Variants in MYO5A observed in about 807,000 individuals in gnomAD.
The protein encoded by MYO5A is myosin VA, also known as unconventional myosin-Va.
In MYO5A, 98 loss-of-function variants were observed where a neutral mutation model predicts 249.7. The ratio of observed to expected loss-of-function variants is 0.39; its 90% CI spans 0.33 to 0.46. The LOEUF is 0.46. Ranked by LOEUF, MYO5A falls within the 20% of genes least tolerant of loss-of-function variation. The probability of loss-of-function intolerance (pLI) is 0.98; values close to 1 mark genes in which losing one functional copy is unlikely to be tolerated. For synonymous variants in MYO5A, 778 were observed against 810.6 expected, an observed-to-expected ratio of 0.96 and a Z score of 0.68; for missense variants, 1,696 against 2,308.8, an observed-to-expected ratio of 0.73 and a Z score of 5.44.
chr15:52,380,041 C>T (rs893045404), intron 16 of MYO5A, 133 bp from the exon 17 acceptor site: 4 of 868,560 alleles, frequency 4.6e-6, no homozygotes, highest in African/African-American at 1.7e-5. Context: ...TTTCAGAAGT[C>T]GGAGCAGTGA....
intron 1 of MYO5A, among the ~76,000 whole-genome samples, chr15:52,483,580 A>T (rs1019662716): frequency 2.6e-5 from 4 of 152,142 alleles, no homozygotes; most frequent in Non-Finnish European, 5.9e-5. Context: ...AGAAATTTCT[A>T]AAAAACCCAT....
At chr15:52,449,400 C>T (rs1387097281) in intron 1 of MYO5A, among the ~76,000 whole-genome samples, 2 of 152,230 alleles carry the variant, frequency 1.3e-5, no homozygotes, top group South Asian at 4.1e-4. Flanking sequence ...ACCCTCTTAA[C>T]AACTGCAAAC....
At chr15:52,334,451 A>T (rs1190097323) in intron 34 of MYO5A, among the ~76,000 whole-genome samples, 1 of 152,188 alleles carries the variant, frequency 6.6e-6, no homozygotes, top group Non-Finnish European at 1.5e-5. Flanking sequence ...ATTATAGCTC[A>T]TGTGTGTGTG....
chr15:52,353,429 T>C (rs757837233), intron 27 of MYO5A, among the ~76,000 whole-genome samples, 176 bp downstream of exon 27: 7 of 152,218 alleles, frequency 4.6e-5, no homozygotes, highest in Non-Finnish European at 8.8e-5. Flanking sequence ...CTAGCTTATA[T>C]GAAATGGAAT....
intron 11 of MYO5A, among the ~76,000 whole-genome samples, chr15:52,395,843 C>A (rs2042465406): frequency 6.6e-6 from 1 of 152,198 alleles, no homozygotes; most frequent in Admixed American, 6.5e-5. Context: ...TACTACTTCA[C>A]AAGAGCCACT....
At chr15:52,426,318 T>A (rs1337342514) in intron 3 of MYO5A, among the ~76,000 whole-genome samples, 1 of 43,068 alleles carries the variant, frequency 2.3e-5, no homozygotes, top group Non-Finnish European at 3.8e-5. Flanking sequence ...ATGCAAAGAG[T>A]TTTTTTTTTT....
chr15:52,520,623 T>C (rs1440614860), intron 1 of MYO5A, among the ~76,000 whole-genome samples: 1 of 152,186 alleles, frequency 6.6e-6, no homozygotes, highest in Non-Finnish European at 1.5e-5. Flanking sequence ...CTCTTTGGCT[T>C]TGAGTTTGGG....
intron 1 of MYO5A, among the ~76,000 whole-genome samples, chr15:52,475,164 T>C (rs1367103580): frequency 6.6e-6 from 1 of 152,256 alleles, no homozygotes; most frequent in Non-Finnish European, 1.5e-5. Context: ...GATTTTCTAG[T>C]TTACTTGTGT....
chr15:52,407,648 T>C (rs1470934864), intron 7 of MYO5A, among the ~76,000 whole-genome samples: 1 of 151,966 alleles, frequency 6.6e-6, no homozygotes, highest in African/African-American at 2.4e-5. Context: ...TTCCTAAAGG[T>C]TTTATTCCAA....
At chr15:52,522,277 A>C (rs1380146929) in intron 1 of MYO5A, among the ~76,000 whole-genome samples, 1 of 152,198 alleles carries the variant, frequency 6.6e-6, no homozygotes, top group Non-Finnish European at 1.5e-5. Context: ...GTTACATGAC[A>C]GAATATATGT....
chr15:52,350,020 C>A (rs2039863261), intron 28 of MYO5A, among the ~76,000 whole-genome samples: 1 of 152,256 alleles, frequency 6.6e-6, no homozygotes, highest in African/African-American at 2.4e-5. Flanking sequence ...GCAAGCTCCG[C>A]CTCCCAGGTT....
At chr15:52,525,419 C>T (rs1185186399) in intron 1 of MYO5A, among the ~76,000 whole-genome samples, 3 of 152,160 alleles carry the variant, frequency 2.0e-5, no homozygotes, top group Non-Finnish European at 4.4e-5. Flanking sequence ...GAAAAACTTA[C>T]AAAATGGAAG....
chr15:52,456,223 T>C (rs938927052), intron 1 of MYO5A, among the ~76,000 whole-genome samples: 3 of 151,992 alleles, frequency 2.0e-5, no homozygotes, highest in African/African-American at 7.2e-5. Context: ...CTGCTACAAA[T>C]AATATAAAAT....
intron 1 of MYO5A, chr15:52,505,230 G>A: frequency 5.2e-6 from 4 of 773,914 alleles, no homozygotes; most frequent in South Asian, 2.7e-5. Context: ...GCCTCCAGGT[G>A]CTCAATGATT....
chr15:52,505,588 CCT>C (rs1287343406), intron 1 of MYO5A: 2 of 1,512,936 alleles, frequency 1.3e-6, no homozygotes, highest in Non-Finnish European at 9.2e-7. Context: ...AGCCAAAAAA[CCT>C]GCACTTGTTT....
At chr15:52,374,849 A>T (rs1345679846) in intron 20 of MYO5A, among the ~76,000 whole-genome samples, 1 of 151,822 alleles carries the variant, frequency 6.6e-6, no homozygotes, top group Non-Finnish European at 1.5e-5. Context: ...AGTTTGTGAT[A>T]ATTTATTATA....
intron 16 of MYO5A, among the ~76,000 whole-genome samples, chr15:52,380,866 A>G (rs1410229907): frequency 6.6e-6 from 1 of 152,224 alleles, no homozygotes; most frequent in Non-Finnish European, 1.5e-5. Flanking sequence ...AGCTCAGTAT[A>G]CAGAGCTCCC....
At chr15:52,410,266 G>T in intron 6 of MYO5A, 67 bp downstream of exon 6, 1 of 1,507,666 alleles carries the variant, frequency 6.6e-7, no homozygotes, top group East Asian at 2.3e-5. Flanking sequence ...ATGCATACCA[G>T]CAAGCATGGA....
intron 1 of MYO5A, among the ~76,000 whole-genome samples, chr15:52,502,111 C>T (rs72623987): frequency 0.15 from 22,770 of 151,994 alleles, 1,819 homozygotes; most frequent in Middle Eastern, 0.22. Flanking sequence ...AGTGAAACCT[C>T]GTCTCTACTA....
Sources: gnomAD v4.1 joint callset for allele counts (sites outside exome capture counted in the v4.1 genomes callset) on GRCh38, gnomAD v4.1.1 for gene constraint, MANE v1.5 for transcripts, NCBI Gene and HGNC (gene_info 2026-07-23, HGNC 2026-07-21) for gene names.